The following PCDH15 variants were observed in gnomAD, a reference collection of about 807,000 sequenced individuals.
PCDH15 encodes the protein protocadherin-15.
Under a neutral mutation model 178.5 loss-of-function variants are expected in PCDH15, and 129 were observed. That is an observed-to-expected ratio of 0.72 (90% CI 0.63 to 0.84). PCDH15 has a LOEUF of 0.84. Among genes scored for constraint, PCDH15 ranks in the 40% least tolerant of loss-of-function variants. The probability of loss-of-function intolerance (pLI) is 0.00; values close to 1 mark genes in which losing one functional copy is unlikely to be tolerated. For missense variants in PCDH15, 2,230 were observed against 2,099.9 expected (o/e 1.06, Z -1.21); for synonymous variants, 800 against 732.0 (o/e 1.09, Z -1.50).
chr10:54,481,260 C>A lies in PCDH15; in HGVS notation c.157+46552G>T, dbSNP rs149008887. Among the ~76,000 whole-genome samples, 938 of 151,748 alleles carry A rather than the reference C, an allele frequency of 6.2e-3. 14 individuals carry two copies. Among genetic ancestry groups the A allele is most frequent in the African/African-American group, 0.021 (880 of 41,458 alleles). ...AAAAATTCTTATATTACAAAATTTT[C>A]TCTAATATATATATGCTTACTGCAT... On this transcript the variant is annotated intron_variant, in intron 3 of 37. Coordinates refer to ENST00000644397, the MANE Select transcript of PCDH15 (RefSeq NM_001384140.1).
chr10:54,724,244 G>T (rs1009045959), intron 1 of PCDH15, among the ~76,000 whole-genome samples: 41 of 147,630 alleles, frequency 2.8e-4, no homozygotes, highest in African/African-American at 1.0e-3. Flanking sequence ...CAGCAACTTG[G>T]ATGGAACTAG....
At chr10:54,067,946 G>A (rs1210921878) in intron 17 of PCDH15, among the ~76,000 whole-genome samples, 1 of 151,542 alleles carries the variant, frequency 6.6e-6, no homozygotes, top group Non-Finnish European at 1.5e-5. Context: ...TGGGGCTAAG[G>A]AGTCAAGTGA....
At chr10:54,344,510 A>T (rs2134132902) in intron 6 of PCDH15, among the ~76,000 whole-genome samples, 1 of 152,290 alleles carries the variant, frequency 6.6e-6, no homozygotes, top group East Asian at 1.9e-4. Flanking sequence ...GAATATTTTT[A>T]TGCATGCAAT....
chr10:54,144,709 C>G (rs554793035), intron 14 of PCDH15, among the ~76,000 whole-genome samples: 1 of 151,994 alleles, frequency 6.6e-6, no homozygotes, highest in Non-Finnish European at 1.5e-5. Flanking sequence ...GGACCTAGAC[C>G]GAAACCTTGG....
chr10:54,683,208 C>A (rs1484395421), intron 1 of PCDH15, among the ~76,000 whole-genome samples: 1 of 150,542 alleles, frequency 6.6e-6, no homozygotes, highest in Non-Finnish European at 1.5e-5. Flanking sequence ...TATAATGTAC[C>A]ATTTTAGCCA....
At chr10:55,091,867 T>TA (rs554219286) in intron 2 of PCDH15, among the ~76,000 whole-genome samples, 137 of 152,012 alleles carry the variant, frequency 9.0e-4, no homozygotes, top group African/African-American at 3.2e-3. Context: ...AAAAAACATT[T>TA]ATTAGCTGAG....
At chr10:54,109,729 T>G (rs1031361218) in intron 15 of PCDH15, among the ~76,000 whole-genome samples, 1 of 152,104 alleles carries the variant, frequency 6.6e-6, no homozygotes, top group African/African-American at 2.4e-5. Flanking sequence ...TGGGGATAGT[T>G]AATGGGTACA....
chr10:53,881,797 T>C (rs893218767), intron 26 of PCDH15, among the ~76,000 whole-genome samples: 2 of 152,044 alleles, frequency 1.3e-5, no homozygotes, highest in African/African-American at 2.4e-5. Flanking sequence ...AGTAAAAAAA[T>C]TACAACAGGT....
chr10:55,472,787 C>G (rs1055834946), intron 2 of PCDH15, among the ~76,000 whole-genome samples: 6 of 152,160 alleles, frequency 3.9e-5, no homozygotes, highest in Non-Finnish European at 8.8e-5. Context: ...CCAGGATGGC[C>G]TCCATCTCCT....
chr10:53,913,149 C>A (rs1021955734), intron 25 of PCDH15, among the ~76,000 whole-genome samples: 1 of 152,130 alleles, frequency 6.6e-6, no homozygotes, highest in African/African-American at 2.4e-5. Context: ...ACATCTACAA[C>A]CATCTTATCT....
At chr10:55,186,021 T>C (rs773668496) in intron 1 of PCDH15, among the ~76,000 whole-genome samples, 10 of 151,634 alleles carry the variant, frequency 6.6e-5, no homozygotes, top group Non-Finnish European at 1.5e-4. Context: ...GATTTTCTCC[T>C]TCAGAAACAA....
At chr10:54,866,301 C>A (rs909464831) in intron 3 of PCDH15, among the ~76,000 whole-genome samples, 1 of 152,014 alleles carries the variant, frequency 6.6e-6, no homozygotes, top group African/African-American at 2.4e-5. Flanking sequence ...AAAGTCTAAC[C>A]CTTTTGCTAA....
At chr10:55,120,565 A>G (rs1301754094) in intron 2 of PCDH15, among the ~76,000 whole-genome samples, 2 of 152,226 alleles carry the variant, frequency 1.3e-5, no homozygotes, top group African/African-American at 4.8e-5. Context: ...GAAAGAGTGA[A>G]CATTGACATA....
chr10:54,304,987 C>A (rs993552819), intron 8 of PCDH15, among the ~76,000 whole-genome samples: 1 of 151,938 alleles, frequency 6.6e-6, no homozygotes, highest in African/African-American at 2.4e-5. Flanking sequence ...TAGTAATATT[C>A]TTTCAGAAAA....
intron 25 of PCDH15, among the ~76,000 whole-genome samples, chr10:53,925,480 G>T (rs952044962): frequency 6.6e-6 from 1 of 152,162 alleles, no homozygotes; most frequent in Non-Finnish European, 1.5e-5. Flanking sequence ...TCACCGCGAG[G>T]GTCCGCGGCT....
At chr10:54,813,645 A>T (rs1952901748) in intron 3 of PCDH15, among the ~76,000 whole-genome samples, 1 of 152,172 alleles carries the variant, frequency 6.6e-6, no homozygotes, top group Non-Finnish European at 1.5e-5. Flanking sequence ...TTTATTCTCC[A>T]ACCTCTGTGT....
chr10:54,104,280 C>T (rs1363862445), intron 15 of PCDH15, among the ~76,000 whole-genome samples: 2 of 152,188 alleles, frequency 1.3e-5, no homozygotes, highest in South Asian at 4.2e-4. Context: ...GCTCAGTGTC[C>T]CCAGCCTTAT....
At chr10:55,178,997 C>A (rs1839568294) in intron 1 of PCDH15, among the ~76,000 whole-genome samples, 1 of 152,136 alleles carries the variant, frequency 6.6e-6, no homozygotes, top group Non-Finnish European at 1.5e-5. Context: ...CTTCTTATTT[C>A]TGTTATCTCT....
At chr10:55,378,885 C>CTCTCTCTCTA (rs919644661) in intron 2 of PCDH15, among the ~76,000 whole-genome samples, 8 of 150,884 alleles carry the variant, frequency 5.3e-5, no homozygotes, top group South Asian at 2.1e-4. Flanking sequence ...CCATCTCTCT[C>CTCTCTCTCTA]TCTCTCTCTC....
Sources: gnomAD v4.1 joint callset for allele counts (sites outside exome capture counted in the v4.1 genomes callset) on GRCh38, gnomAD v4.1.1 for gene constraint, MANE v1.5 for transcripts, NCBI Gene and HGNC (gene_info 2026-07-23, HGNC 2026-07-21) for gene names.